The following EPC2 variants were observed in gnomAD, a reference collection of about 807,000 sequenced individuals.
EPC2 encodes enhancer of polycomb 2.
In EPC2, 14 loss-of-function variants were observed where a neutral mutation model predicts 92.1. That is an observed-to-expected ratio of 0.15 (90% CI 0.10 to 0.24). EPC2 has a LOEUF of 0.24. Among genes scored for constraint, EPC2 ranks in the 10% least tolerant of loss-of-function variants. The pLI is 1.00. For missense variants in EPC2, 755 were observed against 971.5 expected (o/e 0.78, Z 2.96); for synonymous variants, 340 against 334.7 (o/e 1.02, Z -0.17).
rs1391740914 is a variant in EPC2, at chr2:148,765,123, T to G, written c.1117T>G (p.Ser373Ala). 16 of 1,571,288 alleles carry G rather than the reference T, an allele frequency of 1.0e-5. No individual in the cohort carries two copies. The highest frequency in any genetic ancestry group is 1.4e-5 in the Non-Finnish European group (16 of 1,160,534). Reference sequence around the variant, plus strand: ...CATTAAGCAATATGATTTTCACAGCTCAGATGAAGATGAATTTCCACAGGT... The same window carrying G: ...CATTAAGCAATATGATTTTCACAGCGCAGATGAAGATGAATTTCCACAGGT... The part of the protein sequence containing the change: ...SDIKQYDFHS[S>A]DEDEFPQVLS... Residue 373 changes from serine to alanine, a missense_variant, in exon 7 of 14, where the codon TCA becomes GCA. Physicochemically the swap from Ser to Ala is moderately conservative, Grantham distance 99. Around this residue, in one of 4 missense-constraint regions of EPC2, gnomAD observed 509 missense variants for 607.7 expected, o/e 0.84. Coordinates refer to ENST00000258484, the MANE Select transcript of EPC2 (RefSeq NM_015630.4).
chr2:148,645,420 C>G, intron 1 of EPC2: 1 of 431,460 alleles, frequency 2.3e-6, no homozygotes, highest in East Asian at 4.8e-5. Flanking sequence ...GTAAGGGGGC[C>G]TTGCCGTAAG....
At chr2:148,768,990 A>T (rs1240582675) in intron 7 of EPC2, among the ~76,000 whole-genome samples, 161 bp from the exon 8 acceptor site, 2 of 152,212 alleles carry the variant, frequency 1.3e-5, no homozygotes, top group Non-Finnish European at 2.9e-5. Flanking sequence ...TTAACTATAG[A>T]AAATTTTTGC....
At chr2:148,784,565 C>A (rs1420531059) in intron 12 of EPC2, 103 bp from the exon 13 acceptor site, 1 of 881,760 alleles carries the variant, frequency 1.1e-6, no homozygotes, top group Non-Finnish European at 1.7e-6. Flanking sequence ...GTTAACTTGG[C>A]ATTCAATTCA....
intron 1 of EPC2, among the ~76,000 whole-genome samples, chr2:148,663,592 A>ATTTTTTTTTT (rs56911412): frequency 1.5e-4 from 11 of 74,366 alleles, no homozygotes; most frequent in African/African-American, 5.6e-4. Context: ...ATAGATTAAG[A>ATTTTTTTTTT]TTTTTTTTTT....
chr2:148,686,329 T>C (rs1297442550), intron 1 of EPC2, among the ~76,000 whole-genome samples: 2 of 152,238 alleles, frequency 1.3e-5, no homozygotes, highest in Admixed American at 1.3e-4. Flanking sequence ...CACATAATAT[T>C]CTGAACAGGC....
intron 1 of EPC2, among the ~76,000 whole-genome samples, chr2:148,655,807 A>G (rs1426744812): frequency 6.6e-6 from 1 of 152,148 alleles, no homozygotes; most frequent in Non-Finnish European, 1.5e-5. Context: ...TCCCATTACT[A>G]TACAGGAGAT....
chr2:148,733,664 GT>G (rs1220378999), intron 2 of EPC2, among the ~76,000 whole-genome samples: 1 of 151,152 alleles, frequency 6.6e-6, no homozygotes, highest in Non-Finnish European at 1.5e-5. Flanking sequence ...GCCCCCAGCT[GT>G]TTTTTTGTAG....
chr2:148,786,446 G>GCAACACTCTGTGA lies in EPC2; in HGVS notation c.*81_*82insACAACACTCTGTG, dbSNP rs1199511224. 3 of 1,255,828 alleles carry GCAACACTCTGTGA rather than the reference G, an allele frequency of 2.4e-6. No individual in the cohort carries two copies. The highest frequency in any genetic ancestry group is 3.0e-5 in the African/African-American group (2 of 67,492). The allele number at this position is 1,255,828 out of a possible 1,614,324, so 77.8% of individuals were successfully genotyped here. Reference sequence around the variant, plus strand: ...TTCATATTCCAGCTGAATGCAAAAGGCAACACTCTGTGGATCACAGAGTGT... The same window carrying GCAACACTCTGTGA: ...TTCATATTCCAGCTGAATGCAAAAGGCAACACTCTGTGACAACACTCTGTGGATCACAGAGTGT... On this transcript the variant is annotated 3_prime_UTR_variant, in exon 14 of 14. Coordinates refer to ENST00000258484, the MANE Select transcript of EPC2 (RefSeq NM_015630.4).
At chr2:148,685,577 G>A (rs1272104422) in intron 1 of EPC2, among the ~76,000 whole-genome samples, 1 of 152,130 alleles carries the variant, frequency 6.6e-6, no homozygotes, top group Non-Finnish European at 1.5e-5. Context: ...TGGCTAACAC[G>A]GTGAAACACC....
chr2:148,779,041 A>G (rs939633915), intron 10 of EPC2, among the ~76,000 whole-genome samples: 1 of 152,176 alleles, frequency 6.6e-6, no homozygotes, highest in Non-Finnish European at 1.5e-5. Flanking sequence ...TTGGATTGCA[A>G]CCAGATTGGG....
chr2:148,671,042 A>G (rs1389503461), intron 1 of EPC2, among the ~76,000 whole-genome samples: 2 of 152,158 alleles, frequency 1.3e-5, no homozygotes, highest in East Asian at 3.9e-4. Flanking sequence ...TTTCTTGGGT[A>G]CTTGGGAAGG....
chr2:148,688,853 A>T (rs1248783627), intron 1 of EPC2, among the ~76,000 whole-genome samples: 1 of 152,200 alleles, frequency 6.6e-6, no homozygotes, highest in Non-Finnish European at 1.5e-5. Flanking sequence ...GCCTCCTTGG[A>T]ACTTACTTTA....
intron 2 of EPC2, among the ~76,000 whole-genome samples, chr2:148,737,554 G>A (rs1682782726): frequency 6.6e-6 from 1 of 152,030 alleles, no homozygotes; most frequent in South Asian, 2.1e-4. Context: ...ATGGAGCTTT[G>A]TACTTGCCCT....
intron 2 of EPC2, among the ~76,000 whole-genome samples, chr2:148,697,183 G>A (rs1681764455): frequency 6.6e-6 from 1 of 152,192 alleles, no homozygotes; most frequent in African/African-American, 2.4e-5. Flanking sequence ...TCCAGAGTGT[G>A]CCTGTTTAAC....
intron 13 of EPC2, among the ~76,000 whole-genome samples, chr2:148,785,267 G>A (rs911327159): frequency 2.0e-4 from 31 of 152,006 alleles, no homozygotes; most frequent in African/African-American, 7.0e-4. Context: ...AGAAAGAAAA[G>A]GACATCCAAC....
chr2:148,709,586 C>A lies in EPC2; in HGVS notation c.313+19213C>A, dbSNP rs555878556. 3.3e-5 allele frequency among the ~76,000 whole-genome samples: 5 copies of A among 152,308 alleles called. No homozygotes were observed. The East Asian group carries it at 9.6e-4, about 29-fold the overall frequency. ...AAGCTGGAGGCATCACACTACCTGA[C>A]TTCAAACTATACTACAAGTCTACAG... On this transcript the variant is annotated intron_variant, in intron 2 of 13. Coordinates refer to ENST00000258484, the MANE Select transcript of EPC2 (RefSeq NM_015630.4).
intron 1 of EPC2, among the ~76,000 whole-genome samples, chr2:148,662,148 AT>A (rs1680950153): frequency 6.6e-6 from 1 of 152,222 alleles, no homozygotes; most frequent in Non-Finnish European, 1.5e-5. Context: ...AATGACGATC[AT>A]TAAAAAGTCA....
chr2:148,732,346 C>T (rs1165198252), intron 2 of EPC2, among the ~76,000 whole-genome samples: 1 of 151,850 alleles, frequency 6.6e-6, no homozygotes, highest in African/African-American at 2.4e-5. Context: ...TGTCTCAGCA[C>T]CCACAAGTCA....
intron 1 of EPC2, among the ~76,000 whole-genome samples, chr2:148,670,339 CTT>C (rs368462404): frequency 1.5e-4 from 22 of 143,016 alleles, no homozygotes; most frequent in African/African-American, 3.6e-4. Flanking sequence ...CATGTTAACT[CTT>C]TTTTTTTTTT....
Sources: gnomAD v4.1 joint callset for allele counts (sites outside exome capture counted in the v4.1 genomes callset) on GRCh38, gnomAD v4.1.1 for gene constraint, gnomAD v4.1.1 regional missense constraint, MANE v1.5 for transcripts, NCBI Gene and HGNC (gene_info 2026-07-23, HGNC 2026-07-21) for gene names.